The following LMO7 variants were observed in gnomAD, a reference collection of about 807,000 sequenced individuals.
LMO7 encodes the protein LIM domain 7, also known as LIM domain only protein 7.
A neutral mutation model predicts 206.5 loss-of-function variants in LMO7; 120 were observed. That is an observed-to-expected ratio of 0.58 (90% CI 0.50 to 0.68). The LOEUF is 0.68. Ranked by LOEUF, LMO7 falls within the 30% of genes least tolerant of loss-of-function variation. LMO7 has a pLI of 0.00. For missense variants in LMO7, 1,959 were observed against 1,957.9 expected (o/e 1.00, Z -0.01); for synonymous variants, 706 against 681.5 (o/e 1.04, Z -0.56).
At chr13:75,771,587 G>GACTTTAAAAACAGAA (rs1555315460) in intron 4 of LMO7, among the ~76,000 whole-genome samples, 1 of 23,968 alleles carries the variant, frequency 4.2e-5, no homozygotes, top group African/African-American at 1.6e-4. Context: ...AACAGAATTA[G>GACTTTAAAAACAGAA]TAAGTATATT....
intron 5 of LMO7, among the ~76,000 whole-genome samples, chr13:75,796,260 TAAGG>T (rs1327895768): frequency 6.6e-6 from 1 of 152,206 alleles, no homozygotes; most frequent in Non-Finnish European, 1.5e-5. Flanking sequence ...ACATCCTTAT[TAAGG>T]AAGCTGAGAA....
intron 2 of LMO7, among the ~76,000 whole-genome samples, chr13:75,626,446 G>C (rs531316292): frequency 1.3e-5 from 2 of 150,638 alleles, no homozygotes; most frequent in Non-Finnish European, 3.0e-5. Context: ...GGGAAAAACC[G>C]GCCCACATGA....
intron 2 of LMO7, among the ~76,000 whole-genome samples, chr13:75,720,822 C>T (rs1023645213): frequency 2.0e-5 from 3 of 152,126 alleles, no homozygotes; most frequent in African/African-American, 7.2e-5. Flanking sequence ...GGTAATTCAG[C>T]AGTATTCAAA....
chr13:75,737,953 A>G (rs749306087), intron 3 of LMO7, among the ~76,000 whole-genome samples: 1 of 150,820 alleles, frequency 6.6e-6, no homozygotes, highest in African/African-American at 2.4e-5. Flanking sequence ...GAGGTTCCCA[A>G]AGAGGAATCT....
At chr13:75,843,328 A>G (rs544745116) in intron 25 of LMO7, among the ~76,000 whole-genome samples, 1 of 152,298 alleles carries the variant, frequency 6.6e-6, no homozygotes, top group Admixed American at 6.5e-5. Context: ...CAGGGGAAAG[A>G]GAATTAAAGA....
In LMO7 at chr13:75,813,195, G is replaced by T. The variant is rs990553142; in HGVS notation, c.1947-3966G>T. On this transcript the variant is annotated intron_variant, in intron 11 of 30. Coordinates refer to ENST00000377534, the MANE Select transcript of LMO7 (RefSeq NM_001306080.2). ...GGAGGGAAGAATTCTTTGTGATCTG[G>T]CTGAGAGACTCCTTCCTCTACTACA... Among the ~76,000 whole-genome samples the T allele has an allele frequency of 3.0e-4, 46 of 152,176 alleles. 1 individual carries two copies. The highest frequency in any genetic ancestry group is 1.3e-4 in the Non-Finnish European group (9 of 68,030).
chr13:75,829,386 G>T (rs1310671471), intron 15 of LMO7, among the ~76,000 whole-genome samples: 1 of 152,068 alleles, frequency 6.6e-6, no homozygotes, highest in Non-Finnish European at 1.5e-5. Flanking sequence ...AGTGGTGGGT[G>T]TATTATAGAA....
Position 75,841,375 on chromosome 13 carries a change from C to G in LMO7, c.3675+174C>G, listed in dbSNP as rs138471547. The stretch of plus-strand genomic sequence containing the variant: ...TTAGAATTTTGCTTGGATGTTGCAG[C>G]CTTTCTCCTAGTTTTTATAGTACAT... On this transcript the variant is annotated intron_variant, in intron 23 of 30. Coordinates refer to ENST00000377534, the MANE Select transcript of LMO7 (RefSeq NM_001306080.2). Among the ~76,000 whole-genome samples, 568 of 152,264 alleles carry G rather than the reference C, an allele frequency of 3.7e-3. 13 individuals are homozygous for G. Among genetic ancestry groups the G allele is most frequent in the Non-Finnish European group, 2.6e-3 (178 of 68,014 alleles).
intron 15 of LMO7, among the ~76,000 whole-genome samples, chr13:75,827,765 A>G (rs1315681041): frequency 2.0e-5 from 3 of 152,184 alleles, no homozygotes; most frequent in African/African-American, 4.8e-5. Context: ...TAAACCCTCT[A>G]CAAATCCACT....
At chr13:75,713,971 C>T (rs183570164) in intron 2 of LMO7, among the ~76,000 whole-genome samples, 58 of 152,240 alleles carry the variant, frequency 3.8e-4, no homozygotes, top group Non-Finnish European at 3.2e-4. Context: ...GTTGCAGAAG[C>T]GAGCAAATAA....
intron 1 of LMO7, among the ~76,000 whole-genome samples, chr13:75,663,432 C>CTTTCTTTCTTTCTTTCTTTCTT (rs1555289857): frequency 1.4e-4 from 16 of 111,394 alleles, no homozygotes; most frequent in African/African-American, 5.6e-4. Context: ...TTCTTTCTTT[C>CTTTCTTTCTTTCTTTCTTTCTT]TTTTTTTTTT....
chr13:75,795,629 A>G (rs1188092565), intron 5 of LMO7, among the ~76,000 whole-genome samples, 198 bp downstream of exon 5: 1 of 152,214 alleles, frequency 6.6e-6, no homozygotes, highest in Non-Finnish European at 1.5e-5. Flanking sequence ...TCCCACTTAT[A>G]AGGGAGAACG....
intron 4 of LMO7, among the ~76,000 whole-genome samples, chr13:75,769,206 T>G (rs2049306341): frequency 6.6e-6 from 1 of 152,098 alleles, no homozygotes; most frequent in African/African-American, 2.4e-5. Flanking sequence ...TTTTAGAGTT[T>G]AGGTTAATGG....
At chr13:75,713,323 T>C in intron 2 of LMO7, 71 bp downstream of exon 2, 1 of 1,134,322 alleles carries the variant, frequency 8.8e-7, no homozygotes, top group Non-Finnish European at 1.3e-6. Context: ...ATGAGGTGTT[T>C]GGCTCCTCCC....
chr13:75,843,046 G>A (rs2059680414), intron 25 of LMO7, 130 bp downstream of exon 25: 2 of 649,476 alleles, frequency 3.1e-6, no homozygotes, highest in Non-Finnish European at 5.5e-6. Context: ...GGAATTGCTG[G>A]TTGATCTTTG....
At chr13:75,759,932 C>T (rs1278121530) in intron 3 of LMO7, among the ~76,000 whole-genome samples, 1 of 152,162 alleles carries the variant, frequency 6.6e-6, no homozygotes, top group Non-Finnish European at 1.5e-5. Context: ...CCAGCTGCCT[C>T]AGTGGACAGA....
intron 1 of LMO7, among the ~76,000 whole-genome samples, chr13:75,708,935 T>C (rs991608061): frequency 2.0e-5 from 3 of 152,164 alleles, no homozygotes; most frequent in African/African-American, 7.2e-5. Flanking sequence ...CTCCTAATGC[T>C]ATCCCTCCCC....
At position 75,804,405 on chromosome 13, in the gene LMO7, C is replaced by A. The variant is rs138809597; in HGVS notation, c.778C>A (p.Arg260Ser). Reference protein sequence around the residue: ...VEPKTALPFNRFLPNKSRQPS... With the variant: ...VEPKTALPFNSFLPNKSRQPS... The stretch of plus-strand genomic sequence containing the variant: ...GCCAAAGACTGCGTTACCCTTCAAT[C>A]GTTTTTTACCCAACAAAAGTAGACA... Residue 260 changes from arginine to serine, a missense_variant, in exon 8 of 31, where the codon CGT (arginine) becomes AGT (serine). By Grantham distance (110) the Arg-to-Ser change is moderately radical. Transcript: ENST00000377534. The A allele has an allele frequency of 8.7e-6, 14 of 1,614,022 alleles. No individual in the cohort carries two copies. In the Admixed American group the frequency reaches 2.3e-4, roughly 27 times the overall value.
At chr13:75,840,169 C>T (rs546950333) in intron 21 of LMO7, 59 bp downstream of exon 21, 2 of 1,510,002 alleles carry the variant, frequency 1.3e-6, no homozygotes, top group African/African-American at 1.4e-5. Context: ...TGAATTAGTA[C>T]ACCGTAGCAT....
Sources: allele counts gnomAD v4.1 joint callset (sites outside exome capture counted in the v4.1 genomes callset), GRCh38; gene constraint gnomAD v4.1.1; transcripts MANE v1.5; gene names NCBI Gene and HGNC (gene_info 2026-07-23, HGNC 2026-07-21).